Variants in CSTA observed in about 807,000 individuals in gnomAD.
CSTA encodes cystatin-A.
Under a neutral mutation model 9.2 loss-of-function variants are expected in CSTA, and 9 were observed. The observed-to-expected ratio is 0.97, with a 90% CI of 0.59 to 1.70. The LOEUF (loss-of-function observed/expected upper bound fraction) is 1.70. Ranked by LOEUF, CSTA falls within the 40% of genes most tolerant of loss-of-function variation. The pLI, the probability that CSTA is intolerant of heterozygous loss-of-function variation, is 0.00. For synonymous variants in CSTA, 36 were observed against 40.6 expected, an observed-to-expected ratio of 0.89 and a Z score of 0.43; for missense variants, 118 against 113.1, an observed-to-expected ratio of 1.04 and a Z score of -0.20.
chr3:122,340,312 T>A (rs896927817), intron 2 of CSTA, among the ~76,000 whole-genome samples: 8 of 152,060 alleles, frequency 5.3e-5, no homozygotes, highest in Non-Finnish European at 1.2e-4. Flanking sequence ...TTTTTTTTTC[T>A]TTTCTTTTTT....
chr3:122,327,829 A>G (rs1390258081), intron 1 of CSTA, among the ~76,000 whole-genome samples: 1 of 152,230 alleles, frequency 6.6e-6, no homozygotes, highest in Non-Finnish European at 1.5e-5. Flanking sequence ...GAGACAGTAC[A>G]GAAAATTTTA....
At chr3:122,328,407 G>A (rs1267183579) in intron 1 of CSTA, among the ~76,000 whole-genome samples, 4 of 151,024 alleles carry the variant, frequency 2.6e-5, no homozygotes, top group East Asian at 2.0e-4. Context: ...GGCTGAGGCA[G>A]GAGAATCACT....
chr3:122,335,914 G>A (rs12490040), intron 1 of CSTA, among the ~76,000 whole-genome samples: 137 of 151,492 alleles, frequency 9.0e-4, no homozygotes, highest in South Asian at 1.9e-3. Context: ...TTACAGGCAT[G>A]AGCCACCACA....
chr3:122,341,362 A>T, intron 2 of CSTA, 77 bp from the exon 3 acceptor site: 1 of 1,507,786 alleles, frequency 6.6e-7, no homozygotes, highest in Non-Finnish European at 9.2e-7. Context: ...GTCTTTGTAG[A>T]CCTGTGGCTC....
chr3:122,329,301 C>T (rs1199856922), intron 1 of CSTA, among the ~76,000 whole-genome samples: 4 of 149,590 alleles, frequency 2.7e-5, no homozygotes, highest in African/African-American at 9.8e-5. Flanking sequence ...AGGACTGGTG[C>T]GGTGGCTCTC....
chr3:122,329,328 C>A lies in CSTA; in HGVS notation c.66+3970C>A, dbSNP rs373767352. Among the ~76,000 whole-genome samples the A allele has an allele frequency of 5.9e-5, 9 of 152,102 alleles. No individual in the cohort carries two copies. In the East Asian group the frequency reaches 1.6e-3, roughly 26 times the overall value. ...GTGGCTCTCGGCTGTAATCCCAGCA[C>A]TTTAGAAGGCAGAAGCGGGCAGATT... On this transcript the variant is annotated intron_variant, in intron 1 of 2. Transcript: ENST00000264474.
Position 122,341,904 on chromosome 3 carries a change from G to A in CSTA, c.*337G>A, listed in dbSNP as rs1441539085. On this transcript the variant is annotated 3_prime_UTR_variant, in exon 3 of 3. Coordinates refer to ENST00000264474, the MANE Select transcript of CSTA (RefSeq NM_005213.4). ...TTCACCAGCCTCCTTGTTCCCTGTG[G>A]CTGCTGATAACCCAACATTCCATCT... is the stretch of plus-strand genomic sequence containing the variant. 3.1e-6 allele frequency: 1 copy of A among 319,602 alleles called. No homozygotes were observed. The highest frequency in any genetic ancestry group is 4.6e-5 in the Admixed American group (1 of 21,826). 19.8% of individuals were successfully genotyped at this position (319,602 alleles called of 1,614,324 possible).
intron 1 of CSTA, among the ~76,000 whole-genome samples, chr3:122,334,260 G>A (rs1014149225): frequency 6.6e-6 from 1 of 152,120 alleles, no homozygotes; most frequent in African/African-American, 2.4e-5. Flanking sequence ...GTGGTGGTCC[G>A]TGGAGTGTTT....
At chr3:122,341,103 G>A (rs901031115) in intron 2 of CSTA, among the ~76,000 whole-genome samples, 13 of 151,726 alleles carry the variant, frequency 8.6e-5, no homozygotes, top group South Asian at 6.3e-4. Flanking sequence ...CACCATGCCC[G>A]GCTAATTTTT....
chr3:122,337,729 T>C, intron 2 of CSTA, 81 bp downstream of exon 2: 1 of 964,384 alleles, frequency 1.0e-6, no homozygotes, highest in South Asian at 1.3e-5. Context: ...CCCTACCACA[T>C]AATTCCTTCC....
chr3:122,335,958 T>TACACAC (rs55707796), intron 1 of CSTA, among the ~76,000 whole-genome samples: 2,073 of 147,626 alleles, frequency 0.014, 51 homozygotes, highest in African/African-American at 0.048. Flanking sequence ...ATCAGAGGAA[T>TACACAC]ACACACACAC....
At chr3:122,340,878 A>G (rs1364134995) in intron 2 of CSTA, among the ~76,000 whole-genome samples, 1 of 152,078 alleles carries the variant, frequency 6.6e-6, no homozygotes, top group East Asian at 1.9e-4. Flanking sequence ...TTGTGCCCAG[A>G]TTATACTAAA....
chr3:122,326,631 T>C (rs1455724067), intron 1 of CSTA, among the ~76,000 whole-genome samples: 1 of 152,212 alleles, frequency 6.6e-6, no homozygotes, highest in Non-Finnish European at 1.5e-5. Flanking sequence ...TGGGGACTAA[T>C]TATTTCTCTT....
intron 1 of CSTA, among the ~76,000 whole-genome samples, chr3:122,334,307 A>G (rs1237796099): frequency 6.6e-6 from 1 of 152,156 alleles, no homozygotes; most frequent in Non-Finnish European, 1.5e-5. Flanking sequence ...CACAGTTTGC[A>G]TATGTCTACA....
At chr3:122,339,788 G>A (rs2075255354) in intron 2 of CSTA, among the ~76,000 whole-genome samples, 1 of 152,210 alleles carries the variant, frequency 6.6e-6, no homozygotes, top group South Asian at 2.1e-4. Context: ...CGAGGAGTTT[G>A]AGGTTGCAGT....
intron 1 of CSTA, among the ~76,000 whole-genome samples, chr3:122,331,710 A>G (rs2075205785): frequency 2.0e-5 from 3 of 152,294 alleles, no homozygotes; most frequent in Admixed American, 2.0e-4. Context: ...CTGCCAGAAC[A>G]TTCTTGCAGT....
intron 2 of CSTA, among the ~76,000 whole-genome samples, chr3:122,339,857 C>G (rs546503848): frequency 6.6e-6 from 1 of 152,052 alleles, no homozygotes; most frequent in South Asian, 2.1e-4. Context: ...CAGTACCCCC[C>G]AAAAATGTTA....
At position 122,337,651 on chromosome 3, in the gene CSTA, T is replaced by A. The variant is rs1175259340; in HGVS notation, c.168+3T>A. The A allele has an allele frequency of 6.4e-7, 1 of 1,570,576 alleles. No individual in the cohort carries two copies. The highest frequency in any genetic ancestry group is 1.3e-5 in the African/African-American group (1 of 74,186). On this transcript the variant is annotated splice_donor_region_variant and intron_variant, in intron 2 of 2. Transcript: ENST00000264474. ...CTGGAACAAATTACTACATTAAGGT[T>A]AGAGTTCAGCACCTACTTTAGCGCC... is the stretch of plus-strand genomic sequence containing the variant.
chr3:122,330,980 T>C (rs530339758), intron 1 of CSTA, among the ~76,000 whole-genome samples: 6 of 152,240 alleles, frequency 3.9e-5, no homozygotes, highest in African/African-American at 1.2e-4. Context: ...TCCATTATCT[T>C]ATATAATATG....
Sources: gnomAD v4.1 joint callset for allele counts (sites outside exome capture counted in the v4.1 genomes callset) on GRCh38, gnomAD v4.1.1 for gene constraint, MANE v1.5 for transcripts, NCBI Gene and HGNC (gene_info 2026-07-23, HGNC 2026-07-21) for gene names.